SORCS3: variants seen among roughly 807,000 people sequenced by gnomAD.
SORCS3 encodes the protein sortilin related VPS10 domain containing receptor 3.
Under a neutral mutation model 146.3 loss-of-function variants are expected in SORCS3, and 57 were observed. The ratio of observed to expected loss-of-function variants is 0.39; its 90% CI spans 0.31 to 0.49. The LOEUF is 0.49. SORCS3 is among the 20% of genes least tolerant of loss of function. The pLI, the probability that SORCS3 is intolerant of heterozygous loss-of-function variation, is 0.92. For synonymous variants in SORCS3, 653 were observed against 618.5 expected, an observed-to-expected ratio of 1.06 and a Z score of -0.83; for missense variants, 1,341 against 1,575.5, an observed-to-expected ratio of 0.85 and a Z score of 2.52.
At chr10:104,932,017 G>A (rs1337591048) in intron 3 of SORCS3, among the ~76,000 whole-genome samples, 3 of 152,194 alleles carry the variant, frequency 2.0e-5, no homozygotes, top group Non-Finnish European at 4.4e-5. Flanking sequence ...CAGAAACTTA[G>A]TGTGCACGTT....
chr10:104,910,341 AC>A (rs2018954047), intron 2 of SORCS3, among the ~76,000 whole-genome samples: 1 of 152,320 alleles, frequency 6.6e-6, no homozygotes, highest in South Asian at 2.1e-4. Flanking sequence ...CAGAGACGTC[AC>A]CCCAGAAAAA....
At chr10:104,648,978 C>T (rs1366354303) in intron 1 of SORCS3, among the ~76,000 whole-genome samples, 2 of 151,976 alleles carry the variant, frequency 1.3e-5, no homozygotes, top group Non-Finnish European at 2.9e-5. Context: ...AAGTAGGGGA[C>T]TGTTACTTGG....
chr10:104,798,784 T>C (rs2017589260), intron 1 of SORCS3, among the ~76,000 whole-genome samples: 1 of 152,040 alleles, frequency 6.6e-6, no homozygotes, highest in African/African-American at 2.4e-5. Flanking sequence ...GGGAGAAAAT[T>C]TTTGCAATCT....
At chr10:105,249,194 G>A (rs1392978895) in intron 22 of SORCS3, among the ~76,000 whole-genome samples, 1 of 152,206 alleles carries the variant, frequency 6.6e-6, no homozygotes, top group Non-Finnish European at 1.5e-5. Flanking sequence ...TCAAGATGGG[G>A]ACTATGTAGG....
chr10:105,009,852 TCATGGGAC>T (rs1185482628), intron 4 of SORCS3, among the ~76,000 whole-genome samples: 1 of 152,146 alleles, frequency 6.6e-6, no homozygotes, highest in Non-Finnish European at 1.5e-5. Flanking sequence ...TTTTAGAAGA[TCATGGGAC>T]AAAACTCCCT....
chr10:104,842,734 C>T, intron 1 of SORCS3, 58 bp from the exon 2 acceptor site: 2 of 1,272,252 alleles, frequency 1.6e-6, no homozygotes, highest in Non-Finnish European at 2.2e-6. Flanking sequence ...CTAAAGTAAG[C>T]TTCCTTTTTT....
chr10:104,958,040 C>A (rs1240488931), intron 3 of SORCS3, among the ~76,000 whole-genome samples: 1 of 152,058 alleles, frequency 6.6e-6, no homozygotes, highest in Non-Finnish European at 1.5e-5. Context: ...ACGGAGAAGA[C>A]CTGTTAGGTT....
At chr10:105,048,659 C>T (rs2055391043) in intron 5 of SORCS3, among the ~76,000 whole-genome samples, 1 of 151,704 alleles carries the variant, frequency 6.6e-6, no homozygotes, top group Non-Finnish European at 1.5e-5. Context: ...ATGTTGTGCA[C>T]ATGTACCCTA....
chr10:105,061,005 G>A (rs1007820385), intron 5 of SORCS3, among the ~76,000 whole-genome samples: 9 of 151,800 alleles, frequency 5.9e-5, no homozygotes, highest in Non-Finnish European at 5.9e-5. Context: ...ATTCAAATTC[G>A]TTTGCAGTCT....
chr10:104,867,836 A>G (rs947886168), intron 2 of SORCS3, among the ~76,000 whole-genome samples: 15 of 152,342 alleles, frequency 9.8e-5, no homozygotes, highest in Admixed American at 5.2e-4. Context: ...GCTCATTTCA[A>G]TGTGGTACAG....
intron 2 of SORCS3, among the ~76,000 whole-genome samples, chr10:104,898,372 A>T (rs919136139): frequency 9.9e-5 from 15 of 152,178 alleles, no homozygotes; most frequent in Admixed American, 7.2e-4. Flanking sequence ...AAGAATAGGG[A>T]CTCAGCAAAT....
chr10:104,965,764 A>G (rs1263981232), intron 3 of SORCS3, among the ~76,000 whole-genome samples: 1 of 152,068 alleles, frequency 6.6e-6, no homozygotes, highest in East Asian at 1.9e-4. Flanking sequence ...CATTTTTTAA[A>G]TAGGATTGTT....
Position 105,049,773 on chromosome 10 carries a change from G to A in SORCS3, c.1028+6645G>A, listed in dbSNP as rs544568371. Reference sequence around the variant, plus strand: ...TAAGCAGGAGCTAAACCTTGGATATGGACATAAAGGTGGGAACAATAGACA... The same window carrying A: ...TAAGCAGGAGCTAAACCTTGGATATAGACATAAAGGTGGGAACAATAGACA... On this transcript the variant is annotated intron_variant, in intron 5 of 26. Coordinates refer to ENST00000369701, the MANE Select transcript of SORCS3 (RefSeq NM_014978.3). Among the ~76,000 whole-genome samples, 8 of 152,066 alleles carry A rather than the reference G, an allele frequency of 5.3e-5. No individual in the cohort carries two copies. The East Asian group carries it at 1.6e-3, about 30-fold the overall frequency.
chr10:104,648,860 T>A (rs2015526617), intron 1 of SORCS3, among the ~76,000 whole-genome samples: 1 of 152,126 alleles, frequency 6.6e-6, no homozygotes, highest in East Asian at 1.9e-4. Context: ...TGCTATTGAG[T>A]GCATGCAGGG....
At chr10:105,144,461 A>G (rs990151283) in intron 8 of SORCS3, among the ~76,000 whole-genome samples, 1 of 152,192 alleles carries the variant, frequency 6.6e-6, no homozygotes, top group Admixed American at 6.5e-5. Context: ...GGCCTAGATT[A>G]TAAGAAAATG....
At chr10:104,724,794 A>G (rs984233996) in intron 1 of SORCS3, among the ~76,000 whole-genome samples, 9 of 152,028 alleles carry the variant, frequency 5.9e-5, no homozygotes, top group Non-Finnish European at 8.8e-5. Context: ...TGCATTCATC[A>G]TGTAGTTCTC....
At chr10:104,791,160 C>T (rs1208414490) in intron 1 of SORCS3, among the ~76,000 whole-genome samples, 1 of 152,066 alleles carries the variant, frequency 6.6e-6, no homozygotes, top group Non-Finnish European at 1.5e-5. Context: ...AAAGCAAGGC[C>T]AGTGGGGGTG....
chr10:104,706,290 C>G (rs1267983384), intron 1 of SORCS3, among the ~76,000 whole-genome samples: 3 of 149,292 alleles, frequency 2.0e-5, no homozygotes, highest in Non-Finnish European at 3.0e-5. Context: ...TCACTGCACC[C>G]TCTGCCTCCC....
intron 2 of SORCS3, among the ~76,000 whole-genome samples, chr10:104,905,727 C>G (rs1427505875): frequency 6.6e-6 from 1 of 152,116 alleles, no homozygotes; most frequent in Non-Finnish European, 1.5e-5. Flanking sequence ...AAAGCCGATA[C>G]GATGCTCTCT....
Sources: allele counts gnomAD v4.1 joint callset (sites outside exome capture counted in the v4.1 genomes callset), GRCh38; gene constraint gnomAD v4.1.1; transcripts MANE v1.5; gene names NCBI Gene and HGNC (gene_info 2026-07-23, HGNC 2026-07-21).